The following PPARGC1A variants were observed in gnomAD, a reference collection of about 807,000 sequenced individuals.
PPARGC1A encodes the protein PPARG coactivator 1 alpha, also known as peroxisome proliferator-activated receptor gamma coactivator 1-alpha.
In PPARGC1A, 25 loss-of-function variants were observed where a neutral mutation model predicts 88.7. The observed-to-expected ratio is 0.28, with a 90% confidence interval of 0.21 to 0.39. The LOEUF (loss-of-function observed/expected upper bound fraction) is 0.39, where lower values mean the gene tolerates loss of function less well. PPARGC1A is among the 10% of genes least tolerant of loss of function. The probability of loss-of-function intolerance (pLI) is 1.00; values close to 1 mark genes in which losing one functional copy is unlikely to be tolerated. For missense variants in PPARGC1A, 880 were observed against 968.7 expected (o/e 0.91, Z 1.22); for synonymous variants, 363 against 355.6 (o/e 1.02, Z -0.24).
the PPARGC1A span, among the ~76,000 whole-genome samples, chr4:24,212,961 G>T: frequency 6.6e-6 from 1 of 152,164 alleles, no homozygotes; most frequent in African/African-American, 2.4e-5. Context: ...GCAGTGATTA[G>T]AGACGACAGC....
the PPARGC1A span, among the ~76,000 whole-genome samples, chr4:24,161,260 A>G: frequency 1.3e-5 from 2 of 152,204 alleles, no homozygotes; most frequent in Non-Finnish European, 2.9e-5. Context: ...TCTCAAATCT[A>G]GCTATGTACT....
At chr4:24,067,500 G>A in the PPARGC1A span, among the ~76,000 whole-genome samples, 1 of 152,132 alleles carries the variant, frequency 6.6e-6, no homozygotes, top group Admixed American at 6.5e-5. Flanking sequence ...TGCTCAAAAG[G>A]ACAACATGAA....
At chr4:24,201,976 A>G in the PPARGC1A span, among the ~76,000 whole-genome samples, 1 of 150,996 alleles carries the variant, frequency 6.6e-6, no homozygotes, top group Admixed American at 6.6e-5. Flanking sequence ...ATCTCAGCTC[A>G]CTGCAACCTC....
chr4:24,057,645 A>T, the PPARGC1A span, among the ~76,000 whole-genome samples: 1 of 152,202 alleles, frequency 6.6e-6, no homozygotes, highest in Non-Finnish European at 1.5e-5. Context: ...ATGTGCTATT[A>T]ACACCACGTG....
At chr4:24,202,511 G>C in the PPARGC1A span, among the ~76,000 whole-genome samples, 1 of 152,094 alleles carries the variant, frequency 6.6e-6, no homozygotes, top group Non-Finnish European at 1.5e-5. Flanking sequence ...AGAGTGTTTT[G>C]GGGTGAAAGC....
At chr4:24,192,331 T>G in the PPARGC1A span, among the ~76,000 whole-genome samples, 1 of 152,178 alleles carries the variant, frequency 6.6e-6, no homozygotes, top group African/African-American at 2.4e-5. Context: ...TTAATTGAGA[T>G]GATAATAATA....
chr4:24,386,553 A>G, the PPARGC1A span, among the ~76,000 whole-genome samples: 7 of 152,218 alleles, frequency 4.6e-5, no homozygotes, highest in Admixed American at 4.6e-4. Context: ...TTCTCAGGCT[A>G]CAAAGTCAAT....
chr4:23,999,635 T>A, the PPARGC1A span, among the ~76,000 whole-genome samples: 1 of 152,206 alleles, frequency 6.6e-6, no homozygotes, highest in Admixed American at 6.5e-5. Context: ...GTCTGCCTTG[T>A]CACTTGTCAT....
At chr4:24,193,528 T>C in the PPARGC1A span, among the ~76,000 whole-genome samples, 1 of 152,146 alleles carries the variant, frequency 6.6e-6, no homozygotes, top group Non-Finnish European at 1.5e-5. Context: ...ACCCAAGGTC[T>C]CATCAGGATC....
chr4:24,037,471 A>G, the PPARGC1A span, among the ~76,000 whole-genome samples: 2 of 152,214 alleles, frequency 1.3e-5, no homozygotes, highest in African/African-American at 4.8e-5. Flanking sequence ...AAGAAAGGCC[A>G]CAAGATCTTT....
the PPARGC1A span, among the ~76,000 whole-genome samples, chr4:24,411,628 C>T: frequency 1.2e-4 from 19 of 152,312 alleles, no homozygotes; most frequent in East Asian, 3.5e-3. Context: ...TAGTATCATA[C>T]GGAATAGTCT....
At chr4:24,413,889 T>C in the PPARGC1A span, among the ~76,000 whole-genome samples, 1 of 152,290 alleles carries the variant, frequency 6.6e-6, no homozygotes, top group South Asian at 2.1e-4. Flanking sequence ...ATCCTTCCCA[T>C]ATGTTAAATG....
the PPARGC1A span, among the ~76,000 whole-genome samples, chr4:24,140,894 A>G: frequency 1.3e-5 from 2 of 152,190 alleles, no homozygotes; most frequent in Admixed American, 1.3e-4. Context: ...AAAGAGAACA[A>G]AGATGGAGAC....
chr4:24,239,261 G>C, the PPARGC1A span, among the ~76,000 whole-genome samples: 59,156 of 152,054 alleles, frequency 0.39, 12,168 homozygotes, highest in Middle Eastern at 0.52. Context: ...GATGGTCCAT[G>C]AAGGAAATAA....
rs560489053 is a variant in PPARGC1A, at chr4:23,797,269, T to C, written c.2294-1344A>G. ...TCTTAAATTACACTGGCTTCAACGC[T>C]TCTCTTCATAGGCTAATGAATGGTT... On this transcript the variant is annotated intron_variant, in intron 12 of 12. Transcript: ENST00000264867. 2.0e-5 allele frequency among the ~76,000 whole-genome samples: 3 copies of C among 152,260 alleles called. No individual in the cohort carries two copies. The South Asian group carries it at 6.2e-4, about 32-fold the overall frequency.
chr4:24,286,620 T>A, the PPARGC1A span, among the ~76,000 whole-genome samples: 1 of 152,204 alleles, frequency 6.6e-6, no homozygotes. Context: ...ACAGAGAGAA[T>A]CTGGGCTCAG....
the PPARGC1A span, among the ~76,000 whole-genome samples, chr4:24,383,597 C>T: frequency 6.6e-5 from 10 of 151,742 alleles, no homozygotes; most frequent in East Asian, 1.9e-4. Context: ...TATCAATAGC[C>T]GAATCAATCA....
the PPARGC1A span, among the ~76,000 whole-genome samples, chr4:24,112,674 C>T: frequency 1.3e-5 from 2 of 152,204 alleles, no homozygotes; most frequent in Non-Finnish European, 2.9e-5. Context: ...TTTGGCTTCT[C>T]CTGCTTTTTG....
chr4:24,131,671 T>G, the PPARGC1A span, among the ~76,000 whole-genome samples: 5 of 152,320 alleles, frequency 3.3e-5, no homozygotes, highest in African/African-American at 4.8e-5. Context: ...TCAAACCACA[T>G]TATCTAAAAC....
Sources: gnomAD v4.1 joint callset for allele counts (sites outside exome capture counted in the v4.1 genomes callset) on GRCh38, gnomAD v4.1.1 for gene constraint, MANE v1.5 for transcripts, NCBI Gene and HGNC (gene_info 2026-07-23, HGNC 2026-07-21) for gene names.